The following ADH1C variants were observed in gnomAD, a reference collection of about 807,000 sequenced individuals.
ADH1C encodes alcohol dehydrogenase 1C.
In ADH1C, 26 loss-of-function variants were observed where a neutral mutation model predicts 35.0. That is an observed-to-expected ratio of 0.74 (90% CI 0.54 to 1.03). ADH1C has a LOEUF of 1.03. Ranked by LOEUF, ADH1C falls within the 50% of genes least tolerant of loss-of-function variation. The pLI, the probability that ADH1C is intolerant of heterozygous loss-of-function variation, is 0.00. For missense variants in ADH1C, 413 were observed against 465.4 expected, an observed-to-expected ratio of 0.89 and a Z score of 1.04; for synonymous variants, 170 against 169.3, an observed-to-expected ratio of 1.00 and a Z score of -0.03.
At chr4:99,342,050 A>T (rs527417946) in intron 6 of ADH1C, among the ~76,000 whole-genome samples, 1 of 152,078 alleles carries the variant, frequency 6.6e-6, no homozygotes, top group African/African-American at 2.4e-5. Flanking sequence ...AAAATAAAAT[A>T]AAAAAGGGGG....
intron 1 of ADH1C, among the ~76,000 whole-genome samples, chr4:99,350,493 T>C (rs1299739355): frequency 6.6e-6 from 1 of 152,206 alleles, no homozygotes; most frequent in Non-Finnish European, 1.5e-5. Flanking sequence ...CATATGGTAT[T>C]TGGTTTTCCA....
At chr4:99,350,497 T>C (rs1400993508) in intron 1 of ADH1C, among the ~76,000 whole-genome samples, 2 of 152,114 alleles carry the variant, frequency 1.3e-5, no homozygotes, top group African/African-American at 4.8e-5. Flanking sequence ...TGGTATTTGG[T>C]TTTCCATTCC....
chr4:99,351,807 AT>A (rs1301633016), intron 1 of ADH1C, among the ~76,000 whole-genome samples: 1 of 152,220 alleles, frequency 6.6e-6, no homozygotes, highest in Non-Finnish European at 1.5e-5. Flanking sequence ...AGTTGCACAG[AT>A]TTTTTTAAAT....
chr4:99,348,273 C>A (rs1389008616), intron 1 of ADH1C, among the ~76,000 whole-genome samples: 6 of 112,492 alleles, frequency 5.3e-5, no homozygotes, highest in Non-Finnish European at 8.7e-5. Context: ...CTATCCCTCC[C>A]CCCTCCCCCC....
chr4:99,339,443 T>A (rs1734359807), intron 8 of ADH1C, 134 bp downstream of exon 8: 1 of 778,590 alleles, frequency 1.3e-6, no homozygotes. Context: ...AAGATTGAAC[T>A]GGCAATGGAA....
chr4:99,337,368 G>GAACTGATAAT (rs1203911802), intron 8 of ADH1C, among the ~76,000 whole-genome samples: 21 of 152,048 alleles, frequency 1.4e-4, no homozygotes, highest in African/African-American at 5.1e-4. Flanking sequence ...ATTTAATAAA[G>GAACTGATAAT]TTAGGACCAT....
At chr4:99,339,278 TG>T (rs925640740) in intron 8 of ADH1C, among the ~76,000 whole-genome samples, 13 of 152,034 alleles carry the variant, frequency 8.6e-5, no homozygotes, top group Non-Finnish European at 7.4e-5. Context: ...TGGAGGGGGA[TG>T]GGGGCCAAAG....
At chr4:99,350,164 A>C (rs1228086818) in intron 1 of ADH1C, among the ~76,000 whole-genome samples, 1 of 152,228 alleles carries the variant, frequency 6.6e-6, no homozygotes, top group Non-Finnish European at 1.5e-5. Context: ...ACTTGGAAAT[A>C]AAGTTCTAAT....
At chr4:99,344,426 G>A (rs1205409818) in intron 5 of ADH1C, among the ~76,000 whole-genome samples, 5 of 152,182 alleles carry the variant, frequency 3.3e-5, no homozygotes, top group Admixed American at 3.3e-4. Context: ...GGACTCTACT[G>A]TTGATCCTAA....
intron 8 of ADH1C, among the ~76,000 whole-genome samples, chr4:99,337,267 G>A (rs758893447): frequency 6.6e-6 from 1 of 151,554 alleles, no homozygotes; most frequent in East Asian, 1.9e-4. Context: ...TGCTCTGGTC[G>A]CACATCTAGT....
In ADH1C at chr4:99,347,704, T is replaced by C. The variant is rs773061560; in HGVS notation, c.120+41A>G. 2.3e-5 allele frequency: 36 copies of C among 1,553,218 alleles called. No individual in the cohort carries two copies. In the South Asian group the frequency reaches 4.2e-4, roughly 18 times the overall value. On this transcript the variant is annotated intron_variant, in intron 2 of 8. Coordinates refer to ENST00000515683, the MANE Select transcript of ADH1C (RefSeq NM_000669.5). ...TCTATTTTTAATATTTTCTGAATTC[T>C]TTAAACTTAAAATTAAATACAAATG...
chr4:99,349,803 TTCTG>T (rs72119590), intron 1 of ADH1C, among the ~76,000 whole-genome samples: 46,753 of 149,200 alleles, frequency 0.31, 8,528 homozygotes, highest in Non-Finnish European at 0.42. Flanking sequence ...GTATGTGTGT[TTCTG>T]TGTGTGTGTG....
chr4:99,338,760 A>C (rs149720705), intron 8 of ADH1C, among the ~76,000 whole-genome samples: 5 of 150,278 alleles, frequency 3.3e-5, no homozygotes, highest in African/African-American at 1.2e-4. Flanking sequence ...TGAGTTTCAA[A>C]GAAACACTAT....
At position 99,347,067 on chromosome 4, in the gene ADH1C, T is replaced by C; in HGVS notation, c.198A>G (p.Leu66=). ...CCACGATGCCGGCTGCCTCATGGCC[T>C]AAAATCACAGGAAGGGGGGTCACCA... ...GNLVTPLPVI[L]GHEAAGIVES... The change falls in exon 3 of 9, where the codon TTA becomes TTG. Residue 66 remains leucine, a synonymous_variant. Coordinates refer to ENST00000515683, the MANE Select transcript of ADH1C (RefSeq NM_000669.5). 6.2e-7 allele frequency: 1 copy of C among 1,614,110 alleles called. No homozygotes were observed. Among genetic ancestry groups the C allele is most frequent in the East Asian group, 2.2e-5 (1 of 44,878 alleles).
intron 8 of ADH1C, among the ~76,000 whole-genome samples, chr4:99,338,522 G>T (rs1222122912): frequency 1.4e-5 from 2 of 139,022 alleles, no homozygotes; most frequent in Non-Finnish European, 3.1e-5. Flanking sequence ...TCGAATTCTG[G>T]CTCTCCTTCC....
At chr4:99,339,510 A>ACC (rs1560535795) in intron 8 of ADH1C, 67 bp downstream of exon 8, 16 of 894,666 alleles carry the variant, frequency 1.8e-5, no homozygotes, top group South Asian at 1.9e-5. Context: ...CTGCTAGACA[A>ACC]CGCCCCCCCC....
chr4:99,347,825 C>T lies in ADH1C; in HGVS notation c.40G>A (p.Val14Met). The T allele has an allele frequency of 1.9e-6, 3 of 1,613,832 alleles. No individual in the cohort carries two copies. The highest frequency in any genetic ancestry group is 2.2e-5 in the East Asian group (1 of 44,864). ...AAGGGTTTCTTTAACTCCCATAGCACAGCTGCTTTGCATTTGATTACCTAG... is the reference window on the plus strand; with the variant it reads ...AAGGGTTTCTTTAACTCCCATAGCATAGCTGCTTTGCATTTGATTACCTAG... ...AGKVIKCKAA[V>M]LWELKKPFSI... is the part of the protein sequence containing the mutation. Residue 14 changes from valine to methionine, a missense_variant, in exon 2 of 9, where the codon GTG becomes ATG. Coordinates refer to ENST00000515683, the MANE Select transcript of ADH1C (RefSeq NM_000669.5).
chr4:99,347,595 C>CG, intron 2 of ADH1C, 150 bp downstream of exon 2: 1 of 630,506 alleles, frequency 1.6e-6, no homozygotes, highest in Non-Finnish European at 2.4e-6. Context: ...AAAAATTTAA[C>CG]AATTTATACT....
chr4:99,352,679 G>C lies in ADH1C; in HGVS notation c.-4C>G, dbSNP rs1490116919. 1 of 1,612,614 alleles carries C rather than the reference G, an allele frequency of 6.2e-7. No individual in the cohort carries two copies. Among genetic ancestry groups the C allele is most frequent in the African/African-American group, 1.3e-5 (1 of 74,804 alleles). ...TTACTTTTCCTGCTGTGCTCATATTGATTCTGTCTTCTCTGCAGACCAGGA... is the reference window on the plus strand; with the variant it reads ...TTACTTTTCCTGCTGTGCTCATATTCATTCTGTCTTCTCTGCAGACCAGGA... On this transcript the variant is annotated 5_prime_UTR_variant, in exon 1 of 9. It adds an upstream start codon to the 5' untranslated region. Transcript: ENST00000515683.
Sources: gnomAD v4.1 joint callset for allele counts (sites outside exome capture counted in the v4.1 genomes callset) on GRCh38, gnomAD v4.1.1 for gene constraint, MANE v1.5 for transcripts, NCBI Gene and HGNC (gene_info 2026-07-23, HGNC 2026-07-21) for gene names.